B3GALT1: variants seen among roughly 807,000 people sequenced by gnomAD.
B3GALT1 encodes beta-1,3-galactosyltransferase 1, also known as UDP-Gal:betaGlcNAc beta 1,3-galactosyltransferase, polypeptide 1.
In B3GALT1, 10 loss-of-function variants were observed where a neutral mutation model predicts 23.2. That is an observed-to-expected ratio of 0.43 (90% CI 0.27 to 0.73). The LOEUF is 0.73. B3GALT1 is among the 30% of genes least tolerant of loss of function. The pLI is 0.21. For missense variants in B3GALT1, 299 were observed against 405.4 expected, an observed-to-expected ratio of 0.74 and a Z score of 2.25; for synonymous variants, 156 against 141.5, an observed-to-expected ratio of 1.10 and a Z score of -0.73.
chr2:167,805,220 G>A (rs1207306116), intron 3 of B3GALT1, among the ~76,000 whole-genome samples: 1 of 152,144 alleles, frequency 6.6e-6, no homozygotes, highest in Admixed American at 6.6e-5. Flanking sequence ...GTAGATTCTG[G>A]ATATTAGCCC....
intron 3 of B3GALT1, among the ~76,000 whole-genome samples, chr2:167,806,113 T>C (rs377730431): frequency 1.3e-5 from 2 of 152,116 alleles, no homozygotes; most frequent in African/African-American, 4.8e-5. Context: ...GTTCACTCAT[T>C]ATTTGGCTCT....
chr2:167,689,618 G>A (rs1327540835), intron 3 of B3GALT1, among the ~76,000 whole-genome samples: 1 of 152,142 alleles, frequency 6.6e-6, no homozygotes, highest in Non-Finnish European at 1.5e-5. Context: ...AAGGTTGGAA[G>A]CAGAGGACTG....
At chr2:167,725,429 T>A (rs1303123500) in intron 3 of B3GALT1, among the ~76,000 whole-genome samples, 1 of 152,208 alleles carries the variant, frequency 6.6e-6, no homozygotes, top group African/African-American at 2.4e-5. Flanking sequence ...CAGGAATAAA[T>A]GTTGCATCTC....
At chr2:167,512,957 A>T (rs907767095) in intron 2 of B3GALT1, among the ~76,000 whole-genome samples, 4 of 146,814 alleles carry the variant, frequency 2.7e-5, no homozygotes, top group Non-Finnish European at 6.0e-5. Context: ...TTTTATATTT[A>T]TATATTATTT....
intron 2 of B3GALT1, among the ~76,000 whole-genome samples, chr2:167,512,530 GTGTGTATATATATATGTATATATA>G (rs1700022654): frequency 1.6e-5 from 2 of 128,588 alleles, no homozygotes; most frequent in Admixed American, 8.1e-5. Context: ...ATATATGTGT[GTGTGTATATATATATGTATATATA>G]TGTATATATA....
At chr2:167,798,355 T>C (rs180965444) in intron 3 of B3GALT1, among the ~76,000 whole-genome samples, 4 of 152,340 alleles carry the variant, frequency 2.6e-5, no homozygotes, top group Admixed American at 2.6e-4. Flanking sequence ...ATGAAATCTT[T>C]GCCCATGCCT....
chr2:167,786,333 G>C (rs962601762), intron 3 of B3GALT1, among the ~76,000 whole-genome samples: 5 of 152,196 alleles, frequency 3.3e-5, no homozygotes, highest in Non-Finnish European at 5.9e-5. Context: ...AAATAAATAT[G>C]GGGAAGTGGT....
intron 3 of B3GALT1, among the ~76,000 whole-genome samples, chr2:167,692,026 A>ACATTTTAGCAAATAAAACC (rs1478720864): frequency 1.3e-5 from 2 of 152,120 alleles, no homozygotes; most frequent in African/African-American, 4.8e-5. Flanking sequence ...TGAGTGGCAC[A>ACATTTTAGCAAATAAAACC]CATTTTAGCA....
At chr2:167,802,804 T>C (rs1688662604) in intron 3 of B3GALT1, among the ~76,000 whole-genome samples, 1 of 152,170 alleles carries the variant, frequency 6.6e-6, no homozygotes, top group Non-Finnish European at 1.5e-5. Flanking sequence ...TTCTTAATGT[T>C]TAAAATGTTC....
chr2:167,311,390 G>C (rs1481720128), intron 1 of B3GALT1, among the ~76,000 whole-genome samples: 1 of 151,894 alleles, frequency 6.6e-6, no homozygotes, highest in Non-Finnish European at 1.5e-5. Context: ...TGGGTAAAAT[G>C]GTAAAACAAA....
At chr2:167,834,579 T>C (rs902514318) in intron 4 of B3GALT1, among the ~76,000 whole-genome samples, 2 of 152,160 alleles carry the variant, frequency 1.3e-5, no homozygotes, top group Non-Finnish European at 2.9e-5. Context: ...CCATAAGATA[T>C]AGTAATAAAG....
At chr2:167,444,617 T>G (rs1698951619) in intron 1 of B3GALT1, among the ~76,000 whole-genome samples, 2 of 152,202 alleles carry the variant, frequency 1.3e-5, no homozygotes, top group Non-Finnish European at 2.9e-5. Flanking sequence ...GTCCAGGAAT[T>G]TATGCATTTC....
chr2:167,668,198 G>A (rs943880058), intron 3 of B3GALT1, among the ~76,000 whole-genome samples: 1 of 151,856 alleles, frequency 6.6e-6, no homozygotes, highest in African/African-American at 2.4e-5. Flanking sequence ...AGGTCTGTTG[G>A]AATACCCGAC....
intron 3 of B3GALT1, among the ~76,000 whole-genome samples, chr2:167,744,212 A>G (rs1030210788): frequency 2.6e-5 from 4 of 152,156 alleles, no homozygotes; most frequent in African/African-American, 7.2e-5. Context: ...AGTTGTGTGC[A>G]GGAGTCAATA....
chr2:167,509,545 A>C (rs1699972101), intron 2 of B3GALT1, among the ~76,000 whole-genome samples: 1 of 152,188 alleles, frequency 6.6e-6, no homozygotes, highest in Admixed American at 6.5e-5. Context: ...TTGGAGGTAG[A>C]ATTGCAATTT....
At chr2:167,548,685 A>T (rs77290218) in intron 2 of B3GALT1, among the ~76,000 whole-genome samples, 24 of 144,798 alleles carry the variant, frequency 1.7e-4, no homozygotes, top group East Asian at 1.0e-3. Context: ...CGTGTGTGTG[A>T]GTGTGTGTGT....
intron 3 of B3GALT1, among the ~76,000 whole-genome samples, chr2:167,812,419 A>G (rs1688907741): frequency 2.0e-5 from 3 of 152,254 alleles, no homozygotes; most frequent in East Asian, 3.8e-4. Flanking sequence ...ACAAGGATCT[A>G]TCCCATTGTT....
chr2:167,422,557 C>T (rs1026254836), intron 1 of B3GALT1, among the ~76,000 whole-genome samples: 4 of 152,086 alleles, frequency 2.6e-5, no homozygotes, highest in African/African-American at 2.4e-5. Flanking sequence ...GTGCAGGGCT[C>T]GCCACTTTAT....
intron 1 of B3GALT1, among the ~76,000 whole-genome samples, chr2:167,353,804 G>T (rs1213472368): frequency 6.6e-6 from 1 of 152,128 alleles, no homozygotes; most frequent in African/African-American, 2.4e-5. Flanking sequence ...AATAGGTGCT[G>T]TGTTTGTTGG....
Sources: gnomAD v4.1 joint callset for allele counts (sites outside exome capture counted in the v4.1 genomes callset) on GRCh38, gnomAD v4.1.1 for gene constraint, MANE v1.5 for transcripts, NCBI Gene and HGNC (gene_info 2026-07-23, HGNC 2026-07-21) for gene names.